The following BANP variants were observed in gnomAD, a reference collection of about 807,000 sequenced individuals.
BANP encodes protein BANP.
A neutral mutation model predicts 68.1 loss-of-function variants in BANP; 11 were observed. The ratio of observed to expected loss-of-function variants is 0.16; its 90% CI spans 0.10 to 0.27. BANP has a LOEUF of 0.27. Among genes scored for constraint, BANP ranks in the 10% least tolerant of loss-of-function variants. The pLI, the probability that BANP is intolerant of heterozygous loss-of-function variation, is 1.00. For missense variants in BANP, 504 were observed against 722.7 expected, an observed-to-expected ratio of 0.70 and a Z score of 3.47; for synonymous variants, 329 against 303.2, an observed-to-expected ratio of 1.09 and a Z score of -0.88.
chr16:87,972,422 T>G (rs1054916750), intron 1 of BANP, among the ~76,000 whole-genome samples: 1 of 148,372 alleles, frequency 6.7e-6, no homozygotes, highest in African/African-American at 2.5e-5. Context: ...CAGGGTATAG[T>G]TTTTTTTTTC....
At chr16:87,994,006 G>T (rs998444030) in intron 4 of BANP, among the ~76,000 whole-genome samples, 1 of 152,146 alleles carries the variant, frequency 6.6e-6, no homozygotes, top group African/African-American at 2.4e-5. Flanking sequence ...GAAAGATGAC[G>T]TTAGAGACCA....
Position 87,987,712 on chromosome 16 carries a change from C to CAAAAAAAAAAAAAAAAAAAAAAAAAAA in BANP, c.362+3454_362+3480dup, listed in dbSNP as rs66648819. 2.0e-4 allele frequency among the ~76,000 whole-genome samples: 6 copies of CAAAAAAAAAAAAAAAAAAAAAAAAAAA among 30,368 alleles called. 3 individuals are homozygous for CAAAAAAAAAAAAAAAAAAAAAAAAAAA. The highest frequency in any genetic ancestry group is 5.1e-4 in the African/African-American group (4 of 7,894). 19.9% of individuals were successfully genotyped at this position (30,368 alleles called of 152,430 possible). A position where few individuals can be genotyped will look rare whatever the true frequency, so the allele number is the denominator to read the frequency against. On this transcript the variant is annotated intron_variant, in intron 4 of 13. Coordinates refer to ENST00000682872, the MANE Select transcript of BANP (RefSeq NM_001386991.1). Reference sequence around the variant, plus strand: ...CTCCAGGCTGAGCGAGACCCTAACTCAAAAAAAAAAAAAAAAAAAAAAAAA... The same window carrying CAAAAAAAAAAAAAAAAAAAAAAAAAAA: ...CTCCAGGCTGAGCGAGACCCTAACTCAAAAAAAAAAAAAAAAAAAAAAAAAAAAAAAAAAAAAAAAAAAAAAAAAAAA...
At chr16:88,011,998 G>C (rs569014314) in intron 6 of BANP, among the ~76,000 whole-genome samples, 10 of 152,332 alleles carry the variant, frequency 6.6e-5, no homozygotes, top group African/African-American at 2.4e-4. Context: ...ACCTTTATGG[G>C]GTGTCCCTAG....
chr16:87,970,647 C>T (rs988791063), intron 1 of BANP, among the ~76,000 whole-genome samples: 5 of 152,086 alleles, frequency 3.3e-5, no homozygotes, highest in East Asian at 1.9e-4. Context: ...AAGTTGTTAC[C>T]GTTGTTGATA....
chr16:88,016,225 G>A (rs112330136), intron 6 of BANP, among the ~76,000 whole-genome samples: 17 of 152,374 alleles, frequency 1.1e-4, no homozygotes, highest in Non-Finnish European at 1.3e-4. Flanking sequence ...GGGGCCTCCC[G>A]TCCATGCAGG....
At chr16:88,041,586 T>TG (rs1491351901) in intron 11 of BANP, among the ~76,000 whole-genome samples, 4 of 152,254 alleles carry the variant, frequency 2.6e-5, no homozygotes, top group Non-Finnish European at 5.9e-5. Context: ...TGGAATGCCC[T>TG]GTCTCACGCT....
intron 1 of BANP, among the ~76,000 whole-genome samples, chr16:87,954,467 C>G (rs2057636125): frequency 6.6e-6 from 1 of 152,234 alleles, no homozygotes; most frequent in Non-Finnish European, 1.5e-5. Flanking sequence ...CAGGAGGAAG[C>G]TGGCGGAGAG....
chr16:88,052,608 C>T (rs1453609259), intron 11 of BANP, among the ~76,000 whole-genome samples: 1 of 151,940 alleles, frequency 6.6e-6, no homozygotes, highest in Non-Finnish European at 1.5e-5. Context: ...CCACCTCCGC[C>T]ACTGTCATCT....
At chr16:87,954,182 C>G (rs141638014) in intron 1 of BANP, among the ~76,000 whole-genome samples, 8 of 152,268 alleles carry the variant, frequency 5.3e-5, no homozygotes, top group Admixed American at 6.5e-5. Flanking sequence ...ATCCTTCCTT[C>G]TGTGTCTCGT....
intron 6 of BANP, among the ~76,000 whole-genome samples, chr16:88,012,668 A>G (rs1481548088): frequency 6.6e-6 from 1 of 152,204 alleles, no homozygotes; most frequent in African/African-American, 2.4e-5. Context: ...GTGGAGCTAC[A>G]TTTCCCAGGA....
chr16:87,956,140 C>G (rs775815984), intron 1 of BANP, among the ~76,000 whole-genome samples: 1 of 152,194 alleles, frequency 6.6e-6, no homozygotes, highest in Non-Finnish European at 1.5e-5. Flanking sequence ...TGATACTGTA[C>G]AAATCCCAAA....
rs371339216 is a variant in BANP at position 88,033,249 on chromosome 16, C to T, written c.1200+4C>T. On this transcript the variant is annotated splice_donor_region_variant and intron_variant, in intron 9 of 13. Coordinates refer to ENST00000682872, the MANE Select transcript of BANP (RefSeq NM_001386991.1). ...AGAAGACGGACAGGTGCAAGTAGTA[C>T]GTACCCTCTCCACCTCACACCTTGG... The T allele has an allele frequency of 6.1e-5, 96 of 1,581,310 alleles. No individual in the cohort carries two copies. The highest frequency in any genetic ancestry group is 7.8e-5 in the Non-Finnish European group (90 of 1,158,088).
intron 4 of BANP, among the ~76,000 whole-genome samples, chr16:87,986,015 ATG>A (rs1465511849): frequency 6.6e-6 from 1 of 152,182 alleles, no homozygotes; most frequent in Non-Finnish European, 1.5e-5. Context: ...ATTGTAAGTT[ATG>A]TGTGTGGAGA....
At chr16:88,029,480 T>A (rs112758914) in intron 8 of BANP, among the ~76,000 whole-genome samples, 5 of 150,058 alleles carry the variant, frequency 3.3e-5, no homozygotes, top group African/African-American at 4.9e-5. Flanking sequence ...GCGTGGTGGC[T>A]GGCGCCTGTA....
At position 88,003,453 on chromosome 16, in the gene BANP, T is replaced by C. The variant is rs1385946808; in HGVS notation, c.363-842T>C. ...ATTGTCAGGTGATAATCACGTTGTGTTTCTAGTGCTAGTTCTTTCTCTCCC... is the reference window on the plus strand; with the variant it reads ...ATTGTCAGGTGATAATCACGTTGTGCTTCTAGTGCTAGTTCTTTCTCTCCC... On this transcript the variant is annotated intron_variant, in intron 4 of 13. Coordinates refer to ENST00000682872, the MANE Select transcript of BANP (RefSeq NM_001386991.1). This position sits in a 1 kb window ranked among gnomAD's most constrained non-coding sequence, Gnocchi z 6.1. 1 of 456,120 alleles carries C rather than the reference T, an allele frequency of 2.2e-6. No homozygotes were observed. The highest frequency in any genetic ancestry group is 2.0e-5 in the African/African-American group (1 of 50,054). The allele number at this position is 456,120 out of a possible 1,614,324, so 28.3% of individuals were successfully genotyped here.
In BANP at chr16:88,071,668, G is replaced by A; in HGVS notation, c.1378-401G>A. The A allele has an allele frequency of 2.1e-6, 1 of 475,978 alleles. No homozygotes were observed. Among genetic ancestry groups the A allele is most frequent in the Non-Finnish European group, 4.2e-6 (1 of 240,156 alleles). 29.5% of individuals were successfully genotyped at this position (475,978 alleles called of 1,614,324 possible). ...GCCTCACGCTCACGGTCCTGGCTTGGATTTTAGGCCTCAGTGGCACTCTGG... is the reference window on the plus strand; with the variant it reads ...GCCTCACGCTCACGGTCCTGGCTTGAATTTTAGGCCTCAGTGGCACTCTGG... On this transcript the variant is annotated intron_variant, in intron 12 of 13. Transcript: ENST00000682872. This position sits in a 1 kb window ranked among gnomAD's most constrained non-coding sequence, Gnocchi z 6.5.
At chr16:88,011,108 G>A (rs1446047463) in intron 6 of BANP, among the ~76,000 whole-genome samples, 1 of 152,214 alleles carries the variant, frequency 6.6e-6, no homozygotes, top group Non-Finnish European at 1.5e-5. Flanking sequence ...GGCTCTGAGT[G>A]CCACAGAGCG....
intron 1 of BANP, among the ~76,000 whole-genome samples, 188 bp from the exon 2 acceptor site, chr16:87,974,860 G>A (rs1372862800): frequency 2.6e-5 from 4 of 152,164 alleles, no homozygotes; most frequent in Admixed American, 6.5e-5. Flanking sequence ...AGCGGGTGGC[G>A]TTTTCAACTA....
At chr16:88,058,246 AC>A (rs1383002576) in intron 11 of BANP, among the ~76,000 whole-genome samples, 1 of 152,210 alleles carries the variant, frequency 6.6e-6, no homozygotes, top group Non-Finnish European at 1.5e-5. Context: ...AAACTGAAGG[AC>A]AGTGCGAACA....
Sources: gnomAD v4.1 joint callset for allele counts (sites outside exome capture counted in the v4.1 genomes callset) on GRCh38, gnomAD v4.1.1 for gene constraint, Gnocchi (gnomAD v3.1) non-coding constraint, MANE v1.5 for transcripts, NCBI Gene and HGNC (gene_info 2026-07-23, HGNC 2026-07-21) for gene names.